Variants in CNTNAP2 observed in about 807,000 individuals in gnomAD.
CNTNAP2 encodes contactin associated protein 2.
CNTNAP2 carries 98 observed loss-of-function variants against 155.2 expected under a neutral mutation model. The ratio of observed to expected loss-of-function variants is 0.63; its 90% CI spans 0.54 to 0.75. The LOEUF (loss-of-function observed/expected upper bound fraction) is 0.75. CNTNAP2 is among the 30% of genes least tolerant of loss of function. The probability of loss-of-function intolerance (pLI) is 0.00; values close to 1 mark genes in which losing one functional copy is unlikely to be tolerated. For synonymous variants in CNTNAP2, 651 were observed against 631.2 expected (o/e 1.03, Z -0.47); for missense variants, 1,727 against 1,688.1 (o/e 1.02, Z -0.40).
chr7:148,250,457 A>T (rs1212328972), intron 20 of CNTNAP2, among the ~76,000 whole-genome samples: 1 of 152,216 alleles, frequency 6.6e-6, no homozygotes, highest in Non-Finnish European at 1.5e-5. Context: ...AAGGCACCTT[A>T]TGGGCACTTG....
At chr7:147,535,036 T>C (rs1323014980) in intron 11 of CNTNAP2, among the ~76,000 whole-genome samples, 1 of 152,068 alleles carries the variant, frequency 6.6e-6, no homozygotes, top group Admixed American at 6.6e-5. Context: ...CCTACCCCAA[T>C]GTGTGGCATT....
chr7:147,493,436 T>G, intron 11 of CNTNAP2, among the ~76,000 whole-genome samples: 1 of 152,018 alleles, frequency 6.6e-6, no homozygotes, highest in Admixed American at 6.6e-5. Context: ...TATTAAGGAG[T>G]GACTATGGGA....
chr7:148,152,132 G>T (rs555314099), intron 17 of CNTNAP2, among the ~76,000 whole-genome samples: 4 of 151,992 alleles, frequency 2.6e-5, no homozygotes, highest in African/African-American at 9.7e-5. Context: ...TTTCTTGCCC[G>T]CTACACAGGT....
Position 147,692,729 on chromosome 7 carries a change from G to A in CNTNAP2, c.2098+53423G>A, listed in dbSNP as rs142404075. ...ATTGTGTTTTAAGAGGGCTTTTTTC[G>A]GTATAGTTTGGATGACACTCCTCTA... On this transcript the variant is annotated intron_variant, in intron 13 of 23. Transcript: ENST00000361727. 5.9e-5 allele frequency among the ~76,000 whole-genome samples: 9 copies of A among 151,840 alleles called. No homozygotes were observed. In the East Asian group the frequency reaches 7.7e-4, roughly 13 times the overall value.
intron 15 of CNTNAP2, among the ~76,000 whole-genome samples, chr7:148,009,559 A>G (rs1802037658): frequency 6.6e-6 from 1 of 152,162 alleles, no homozygotes; most frequent in South Asian, 2.1e-4. Context: ...AGACTGGTAT[A>G]TTTACCTATA....
chr7:148,250,031 G>A (rs1796337433), intron 20 of CNTNAP2, among the ~76,000 whole-genome samples: 1 of 152,218 alleles, frequency 6.6e-6, no homozygotes, highest in African/African-American at 2.4e-5. Flanking sequence ...AGTCTTTCCA[G>A]TGACCTGCAG....
At chr7:147,915,109 ATAAT>A (rs1800137327) in intron 14 of CNTNAP2, among the ~76,000 whole-genome samples, 1 of 152,210 alleles carries the variant, frequency 6.6e-6, no homozygotes, top group African/African-American at 2.4e-5. Context: ...ATCCCAGTAC[ATAAT>A]AAAACAATAC....
chr7:147,468,903 C>A (rs1798165380), intron 10 of CNTNAP2, among the ~76,000 whole-genome samples: 1 of 151,328 alleles, frequency 6.6e-6, no homozygotes, highest in South Asian at 2.1e-4. Flanking sequence ...TGCAGTGACA[C>A]AATCTGAGCT....
chr7:147,326,009 A>G (rs983528881), intron 9 of CNTNAP2, among the ~76,000 whole-genome samples: 10 of 151,940 alleles, frequency 6.6e-5, no homozygotes, highest in Non-Finnish European at 1.3e-4. Flanking sequence ...TGCAAGCTCC[A>G]CCTCCTGGGT....
intron 15 of CNTNAP2, among the ~76,000 whole-genome samples, chr7:147,994,917 C>G (rs1801775636): frequency 6.6e-6 from 1 of 152,146 alleles, no homozygotes. Flanking sequence ...GGGGGAACTG[C>G]TATAGTTGTA....
At chr7:146,249,078 A>G (rs802517) in intron 1 of CNTNAP2, among the ~76,000 whole-genome samples, 40,154 of 151,784 alleles carry the variant, frequency 0.26, 13,562 homozygotes, top group African/African-American at 0.79. Context: ...AATTTCACAA[A>G]ACAATGTCAT....
intron 21 of CNTNAP2, among the ~76,000 whole-genome samples, chr7:148,345,524 G>A (rs1258783741): frequency 3.3e-5 from 5 of 151,888 alleles, no homozygotes; most frequent in African/African-American, 4.8e-5. Context: ...CACCATGCCC[G>A]ACTCATTTTT....
intron 1 of CNTNAP2, among the ~76,000 whole-genome samples, chr7:146,326,099 C>A (rs1190003853): frequency 6.6e-6 from 1 of 152,196 alleles, no homozygotes; most frequent in African/African-American, 2.4e-5. Flanking sequence ...ATGCAATGCT[C>A]AGACATGGTA....
At chr7:147,925,708 G>A (rs542342412) in intron 14 of CNTNAP2, among the ~76,000 whole-genome samples, 5 of 152,220 alleles carry the variant, frequency 3.3e-5, no homozygotes, top group Admixed American at 6.5e-5. Context: ...TGATCCACCC[G>A]CCTCGGCCTC....
chr7:148,406,560 GAAGAT>G (rs1010755044), intron 22 of CNTNAP2, among the ~76,000 whole-genome samples: 25 of 152,288 alleles, frequency 1.6e-4, no homozygotes, highest in African/African-American at 5.5e-4. Flanking sequence ...GCAGGGTAGA[GAAGAT>G]TGTTGACTTT....
intron 2 of CNTNAP2, among the ~76,000 whole-genome samples, chr7:146,788,726 T>A (rs1802621883): frequency 1.3e-5 from 2 of 152,218 alleles, no homozygotes; most frequent in Admixed American, 1.3e-4. Flanking sequence ...ATGTTTAAGC[T>A]TCCTGTCCTT....
chr7:147,472,927 G>A (rs13311809), intron 10 of CNTNAP2, among the ~76,000 whole-genome samples: 118,161 of 151,692 alleles, frequency 0.78, 46,369 homozygotes, highest in African/African-American at 0.87. Flanking sequence ...CAAGTTTCAG[G>A]CTCTCAAAGT....
At chr7:146,780,186 C>T (rs2129186957) in intron 2 of CNTNAP2, among the ~76,000 whole-genome samples, 1 of 134,282 alleles carries the variant, frequency 7.4e-6, no homozygotes, top group South Asian at 2.9e-4. Context: ...TCTGTTGTTT[C>T]CTGACTGTTT....
At chr7:147,315,550 C>T (rs1175143750) in intron 9 of CNTNAP2, among the ~76,000 whole-genome samples, 5 of 148,204 alleles carry the variant, frequency 3.4e-5, no homozygotes, top group Non-Finnish European at 5.9e-5. Context: ...GGCATGATCT[C>T]GGCTCACTGC....
Sources: gnomAD v4.1 joint callset for allele counts (sites outside exome capture counted in the v4.1 genomes callset) on GRCh38, gnomAD v4.1.1 for gene constraint, MANE v1.5 for transcripts, NCBI Gene and HGNC (gene_info 2026-07-23, HGNC 2026-07-21) for gene names.